The following KCNIP4 variants were observed in gnomAD, a reference collection of about 807,000 sequenced individuals.
KCNIP4 encodes the protein Kv channel-interacting protein 4.
In KCNIP4, 12 loss-of-function variants were observed where a neutral mutation model predicts 34.0. The observed-to-expected ratio is 0.35, with a 90% confidence interval of 0.23 to 0.57. KCNIP4 has a LOEUF of 0.57. Among genes scored for constraint, KCNIP4 ranks in the 20% least tolerant of loss-of-function variants. The pLI is 0.83. For synonymous variants in KCNIP4, 124 were observed against 102.2 expected (o/e 1.21, Z -1.29); for missense variants, 238 against 311.7 (o/e 0.76, Z 1.78).
At chr4:21,886,483 AC>A (rs1161151757) in intron 1 of KCNIP4, among the ~76,000 whole-genome samples, 37 of 152,136 alleles carry the variant, frequency 2.4e-4, no homozygotes, top group South Asian at 8.3e-4. Flanking sequence ...TCAACACTTA[AC>A]CCTAATGTAT....
intron 1 of KCNIP4, among the ~76,000 whole-genome samples, chr4:21,902,148 G>A (rs1047837986): frequency 6.6e-6 from 1 of 152,076 alleles, no homozygotes; most frequent in Non-Finnish European, 1.5e-5. Flanking sequence ...TCTGCCAAGA[G>A]GGAAGGAATG....
intron 1 of KCNIP4, chr4:21,849,909 G>C (rs1013306869): frequency 6.6e-6 from 1 of 151,736 alleles, no homozygotes; most frequent in Non-Finnish European, 1.5e-5. Context: ...AGGCCTTCAG[G>C]GCATAAGTAA....
At chr4:21,823,981 T>C (rs1024192442) in intron 1 of KCNIP4, among the ~76,000 whole-genome samples, 3 of 152,172 alleles carry the variant, frequency 2.0e-5, no homozygotes, top group Non-Finnish European at 2.9e-5. Flanking sequence ...AGGACATTAG[T>C]GAATGCGACA....
chr4:20,979,093 A>G (rs1456581173), intron 1 of KCNIP4, among the ~76,000 whole-genome samples: 1 of 152,200 alleles, frequency 6.6e-6, no homozygotes, highest in Admixed American at 6.5e-5. Context: ...ATCTATCCAA[A>G]GTTTTAAGTT....
intron 1 of KCNIP4, among the ~76,000 whole-genome samples, chr4:21,857,978 C>T (rs1372782706): frequency 6.6e-6 from 1 of 152,242 alleles, no homozygotes; most frequent in East Asian, 1.9e-4. Context: ...AAGCTGCTTG[C>T]TGTACACCTG....
intron 1 of KCNIP4, among the ~76,000 whole-genome samples, chr4:21,302,750 G>T (rs1300110813): frequency 6.6e-6 from 1 of 151,982 alleles, no homozygotes; most frequent in Non-Finnish European, 1.5e-5. Flanking sequence ...TAGGTTTCTG[G>T]TAACCTACAT....
chr4:21,723,057 A>G (rs1013501245), intron 1 of KCNIP4, among the ~76,000 whole-genome samples: 11 of 152,146 alleles, frequency 7.2e-5, no homozygotes, highest in Admixed American at 6.6e-4. Flanking sequence ...ATATTTCTAC[A>G]GAATAAAATT....
intron 1 of KCNIP4, among the ~76,000 whole-genome samples, chr4:21,507,549 A>G (rs1733953262): frequency 6.6e-6 from 1 of 152,102 alleles, no homozygotes; most frequent in Non-Finnish European, 1.5e-5. Flanking sequence ...GAGCCACTGC[A>G]CCAGGCCAGG....
At chr4:21,754,322 G>C (rs944220827) in intron 1 of KCNIP4, among the ~76,000 whole-genome samples, 2 of 151,878 alleles carry the variant, frequency 1.3e-5, no homozygotes, top group Admixed American at 1.3e-4. Context: ...TACCACTACC[G>C]GACCAAGCTT....
intron 1 of KCNIP4, among the ~76,000 whole-genome samples, chr4:21,049,913 A>G (rs931339262): frequency 1.3e-5 from 2 of 152,200 alleles, no homozygotes; most frequent in Non-Finnish European, 2.9e-5. Context: ...TTGTTAGTTA[A>G]TCTCACTTGT....
At chr4:20,994,979 T>C (rs1285671336) in intron 1 of KCNIP4, among the ~76,000 whole-genome samples, 1 of 152,196 alleles carries the variant, frequency 6.6e-6, no homozygotes, top group Non-Finnish European at 1.5e-5. Flanking sequence ...TGTGCTTGCA[T>C]CTTATACATT....
At chr4:21,721,031 C>A (rs1406095244) in intron 1 of KCNIP4, among the ~76,000 whole-genome samples, 3 of 152,012 alleles carry the variant, frequency 2.0e-5, no homozygotes, top group Non-Finnish European at 4.4e-5. Flanking sequence ...GGGTATATAC[C>A]CAGTAATGGG....
intron 4 of KCNIP4, among the ~76,000 whole-genome samples, chr4:20,758,510 C>G (rs1754670831): frequency 6.6e-6 from 1 of 152,080 alleles, no homozygotes; most frequent in Admixed American, 6.6e-5. Flanking sequence ...ACCTACAATG[C>G]ATGTGAATGA....
At chr4:21,784,033 G>C (rs966081570) in intron 1 of KCNIP4, among the ~76,000 whole-genome samples, 1 of 151,598 alleles carries the variant, frequency 6.6e-6, no homozygotes, top group Non-Finnish European at 1.5e-5. Context: ...ATCAAGGAAA[G>C]ACGTTTAATT....
intron 1 of KCNIP4, among the ~76,000 whole-genome samples, chr4:21,439,186 G>C (rs1309322032): frequency 6.7e-6 from 1 of 148,804 alleles, no homozygotes; most frequent in Admixed American, 6.7e-5. Flanking sequence ...AAAAAGTAGA[G>C]AAAGAAGCCA....
intron 1 of KCNIP4, among the ~76,000 whole-genome samples, chr4:21,355,122 T>C (rs1312906468): frequency 4.6e-5 from 7 of 152,196 alleles, no homozygotes; most frequent in East Asian, 1.9e-4. Context: ...AGACACAATG[T>C]ACCAGATTCT....
intron 1 of KCNIP4, among the ~76,000 whole-genome samples, chr4:20,995,889 C>G (rs1330493508): frequency 6.6e-6 from 1 of 152,076 alleles, no homozygotes; most frequent in Admixed American, 6.5e-5. Context: ...AAGGAATGCA[C>G]ATAAGTTACT....
At chr4:21,693,658 C>A (rs1711943431) in intron 1 of KCNIP4, among the ~76,000 whole-genome samples, 1 of 152,200 alleles carries the variant, frequency 6.6e-6, no homozygotes, top group Non-Finnish European at 1.5e-5. Flanking sequence ...AGGCTGGAAA[C>A]CACTCAAAGA....
At chr4:21,188,187 CAA>C (rs1356797824) in intron 1 of KCNIP4, among the ~76,000 whole-genome samples, 2 of 152,050 alleles carry the variant, frequency 1.3e-5, no homozygotes, top group Non-Finnish European at 2.9e-5. Context: ...AACATTGCTC[CAA>C]AGAGTTTTGT....
Sources: gnomAD v4.1 joint callset for allele counts (sites outside exome capture counted in the v4.1 genomes callset) on GRCh38, gnomAD v4.1.1 for gene constraint, MANE v1.5 for transcripts, NCBI Gene and HGNC (gene_info 2026-07-23, HGNC 2026-07-21) for gene names.